The following WNK1 variants were observed in gnomAD, a reference collection of about 807,000 sequenced individuals.
WNK1 encodes serine/threonine-protein kinase WNK1.
A neutral mutation model predicts 222.8 loss-of-function variants in WNK1; 38 were observed. The observed-to-expected ratio is 0.17, with a 90% CI of 0.13 to 0.22. WNK1 has a LOEUF of 0.22. Ranked by LOEUF, WNK1 falls within the 10% of genes least tolerant of loss-of-function variation. The pLI is 1.00. For missense variants in WNK1, 2,348 were observed against 2,918.4 expected, an observed-to-expected ratio of 0.80 and a Z score of 4.50; for synonymous variants, 1,090 against 1,092.9, an observed-to-expected ratio of 1.00 and a Z score of 0.05.
Position 827,191 on chromosome 12 carries a change from C to G in WNK1, c.1082C>G (p.Thr361Ser). Residue 361 changes from threonine to serine, a missense_variant, in exon 3 of 28, where the codon ACT (threonine) becomes AGT (serine). Coordinates refer to ENST00000315939, the MANE Select transcript of WNK1 (RefSeq NM_018979.4). The surrounding 1 kb of genome is among the most constrained non-coding windows in gnomAD (Gnocchi z 4.6). The stretch of plus-strand genomic sequence containing the variant: ...GACAACATCTTTATCACCGGCCCTA[C>G]TGGCTCAGTCAAGATTGGAGACCTC... ...KCDNIFITGP[T>S]GSVKIGDLGL... 1 of 1,614,218 alleles carries G rather than the reference C, an allele frequency of 6.2e-7. No individual in the cohort carries two copies. Among genetic ancestry groups the G allele is most frequent in the Non-Finnish European group, 8.5e-7 (1 of 1,180,026 alleles).
At chr12:848,548 G>T (rs1950196815) in intron 4 of WNK1, among the ~76,000 whole-genome samples, 2 of 139,336 alleles carry the variant, frequency 1.4e-5, no homozygotes, top group Non-Finnish European at 1.5e-5. Flanking sequence ...TGTTGGAGAA[G>T]AGTAAGAATA....
At chr12:902,344 T>C (rs1955339198) in intron 26 of WNK1, among the ~76,000 whole-genome samples, 1 of 152,110 alleles carries the variant, frequency 6.6e-6, no homozygotes, top group Non-Finnish European at 1.5e-5. Flanking sequence ...TGACCAATGA[T>C]GCTCTTAGAT....
chr12:889,066 C>G (rs1249555852), intron 20 of WNK1, 74 bp from the exon 21 acceptor site: 1 of 1,084,456 alleles, frequency 9.2e-7, no homozygotes, highest in African/African-American at 1.5e-5. Context: ...ACAGTGTGTC[C>G]TATCTAAATT....
At chr12:855,686 A>G (rs546213983) in intron 4 of WNK1, among the ~76,000 whole-genome samples, 18 of 152,298 alleles carry the variant, frequency 1.2e-4, no homozygotes, top group African/African-American at 4.3e-4. Flanking sequence ...CCACTTGAAC[A>G]GCATATCAGT....
intron 2 of WNK1, among the ~76,000 whole-genome samples, chr12:824,070 C>G (rs1157012219): frequency 6.6e-6 from 1 of 151,892 alleles, no homozygotes; most frequent in African/African-American, 2.4e-5. Flanking sequence ...CCATGCCCAG[C>G]TAGTTTTTAT....
At chr12:812,108 G>A (rs1228909520) in intron 1 of WNK1, among the ~76,000 whole-genome samples, 1 of 152,118 alleles carries the variant, frequency 6.6e-6, no homozygotes, top group African/African-American at 2.4e-5. Flanking sequence ...TAAGTAGTTG[G>A]CAGCTTTTTT....
intron 26 of WNK1, among the ~76,000 whole-genome samples, chr12:903,976 A>G (rs1458120547): frequency 1.3e-5 from 2 of 152,234 alleles, no homozygotes; most frequent in Admixed American, 6.5e-5. Context: ...ATAATAGCCA[A>G]TTTAAATGAA....
intron 26 of WNK1, chr12:906,560 C>G: frequency 1.0e-6 from 1 of 985,258 alleles, no homozygotes; most frequent in Non-Finnish European, 1.2e-6. Context: ...CCATGTCTTC[C>G]TGAAGTTGAA....
chr12:790,348 GTCATC>G (rs750868563), intron 1 of WNK1, among the ~76,000 whole-genome samples: 1 of 152,138 alleles, frequency 6.6e-6, no homozygotes, highest in Non-Finnish European at 1.5e-5. Context: ...AAGCCATCCT[GTCATC>G]TCGGCCTCCC....
At chr12:764,284 T>C (rs1016557148) in intron 1 of WNK1, among the ~76,000 whole-genome samples, 3 of 147,416 alleles carry the variant, frequency 2.0e-5, no homozygotes, top group African/African-American at 7.3e-5. Context: ...GAGAATGAAT[T>C]TAACAAGTAG....
At chr12:899,408 A>T (rs1383104166) in intron 25 of WNK1, among the ~76,000 whole-genome samples, 4 of 152,090 alleles carry the variant, frequency 2.6e-5, no homozygotes, top group Non-Finnish European at 5.9e-5. Context: ...AGCTGGGATT[A>T]CAAGCATGTA....
At chr12:791,238 C>A (rs1434052025) in intron 1 of WNK1, among the ~76,000 whole-genome samples, 1 of 151,578 alleles carries the variant, frequency 6.6e-6, no homozygotes. Context: ...CACACACACA[C>A]ACACACACAC....
chr12:837,656 C>T (rs914382562), intron 4 of WNK1, among the ~76,000 whole-genome samples: 1 of 151,358 alleles, frequency 6.6e-6, no homozygotes, highest in Non-Finnish European at 1.5e-5. Context: ...GCAGTTGTTA[C>T]GGGCATACTC....
intron 27 of WNK1, 136 bp from the exon 28 acceptor site, chr12:908,339 A>T: frequency 1.0e-6 from 1 of 969,260 alleles, no homozygotes; most frequent in Non-Finnish European, 1.6e-6. Flanking sequence ...TTACTTGGTA[A>T]ATATAAAGAG....
chr12:869,194 G>A, intron 8 of WNK1: 2 of 1,528,186 alleles, frequency 1.3e-6, no homozygotes, highest in Non-Finnish European at 9.1e-7. Context: ...CTGAATCATG[G>A]ATTTTGGAGA....
chr12:773,385 A>G (rs1282214425), intron 1 of WNK1, among the ~76,000 whole-genome samples: 1 of 152,208 alleles, frequency 6.6e-6, no homozygotes, highest in Non-Finnish European at 1.5e-5. Context: ...TCCTTTATTT[A>G]AAGTGTTAAA....
rs1956057294 is a variant in WNK1, at chr12:911,198, A to C, written c.*2406A>C. ...TAAATTATTTTTGTGTTAATAGTAC[A>C]CTTTGAGTATCTTTTTCCACATTAA... On this transcript the variant is annotated 3_prime_UTR_variant, in exon 28 of 28. Coordinates refer to ENST00000315939, the MANE Select transcript of WNK1 (RefSeq NM_018979.4). The C allele has an allele frequency of 2.5e-6, 1 of 398,180 alleles. No homozygotes were observed. Among genetic ancestry groups the C allele is most frequent in the East Asian group, 3.6e-5 (1 of 28,006 alleles). 24.7% of individuals were successfully genotyped at this position (398,180 alleles called of 1,614,324 possible). A position where few individuals can be genotyped will look rare whatever the true frequency, so the allele number is the denominator to read the frequency against.
Position 909,812 on chromosome 12 carries a change from AT to A in WNK1, c.*1021del, listed in dbSNP as rs942515056. The A allele has an allele frequency of 2.0e-5, 3 of 152,244 alleles. No homozygotes were observed. Among genetic ancestry groups the A allele is most frequent in the African/African-American group, 7.2e-5 (3 of 41,464 alleles). 9.4% of individuals were successfully genotyped at this position (152,244 alleles called of 1,614,324 possible). The stretch of plus-strand genomic sequence containing the variant: ...TGACCCCAGCAGTCCAGCAGTGGTT[AT>A]GCCAAAGGGAAATTGAAAAAGTATT... On this transcript the variant is annotated 3_prime_UTR_variant, in exon 28 of 28. Coordinates refer to ENST00000315939, the MANE Select transcript of WNK1 (RefSeq NM_018979.4).
At chr12:900,263 T>G (rs1037105515) in intron 25 of WNK1, among the ~76,000 whole-genome samples, 2 of 152,144 alleles carry the variant, frequency 1.3e-5, no homozygotes, top group Non-Finnish European at 2.9e-5. Flanking sequence ...TGGGATATTA[T>G]AGGCGTGAGC....
Sources: allele counts gnomAD v4.1 joint callset (sites outside exome capture counted in the v4.1 genomes callset), GRCh38; gene constraint gnomAD v4.1.1; non-coding constraint Gnocchi (gnomAD v3.1); transcripts MANE v1.5; gene names NCBI Gene and HGNC (gene_info 2026-07-23, HGNC 2026-07-21).